Variants in UBE3D observed in about 807,000 individuals in gnomAD.
UBE3D encodes the protein E3 ubiquitin-protein ligase E3D.
UBE3D carries 48 observed loss-of-function variants against 49.6 expected under a neutral mutation model. That is an observed-to-expected ratio of 0.97 (90% CI 0.77 to 1.23). The LOEUF (loss-of-function observed/expected upper bound fraction) is 1.23, where lower values mean the gene tolerates loss of function less well. UBE3D is among the 50% of genes most tolerant of loss of function. UBE3D has a pLI of 0.00. For missense variants in UBE3D, 452 were observed against 468.4 expected (o/e 0.96, Z 0.32); for synonymous variants, 189 against 174.2 (o/e 1.08, Z -0.67).
intron 5 of UBE3D, among the ~76,000 whole-genome samples, chr6:83,027,780 A>G: frequency 6.6e-6 from 1 of 152,212 alleles, no homozygotes. Flanking sequence ...ATTGGAATTC[A>G]CTGGGTCCCT....
chr6:82,905,576 G>A (rs1041544911), intron 9 of UBE3D, among the ~76,000 whole-genome samples: 4 of 152,088 alleles, frequency 2.6e-5, no homozygotes, highest in African/African-American at 9.7e-5. Context: ...GCCTCTAAAT[G>A]TTCAAGTGGA....
At chr6:82,992,742 G>A (rs992566415) in intron 8 of UBE3D, among the ~76,000 whole-genome samples, 8 of 152,026 alleles carry the variant, frequency 5.3e-5, no homozygotes, top group Non-Finnish European at 1.0e-4. Flanking sequence ...AAAATTCTGG[G>A]AATCCAGCAT....
At chr6:83,041,876 C>A (rs571160038) in intron 4 of UBE3D, among the ~76,000 whole-genome samples, 1 of 152,110 alleles carries the variant, frequency 6.6e-6, no homozygotes, top group South Asian at 2.1e-4. Context: ...TATTTTGACT[C>A]TTATAAAAGG....
In UBE3D at chr6:82,957,163, C is replaced by T. The variant is rs1170344905; in HGVS notation, c.1149+149G>A. 6.3e-6 allele frequency: 5 copies of T among 794,346 alleles called. No individual in the cohort carries two copies. In the East Asian group the frequency reaches 1.1e-4, roughly 18 times the overall value. 49.2% of individuals were successfully genotyped at this position (794,346 alleles called of 1,614,324 possible). A position where few individuals can be genotyped will look rare whatever the true frequency, so the allele number is the denominator to read the frequency against. On this transcript the variant is annotated intron_variant, in intron 9 of 9. Coordinates refer to ENST00000369747, the MANE Select transcript of UBE3D (RefSeq NM_198920.3). ...AACAAACAAACAAACAAACAAAAAACAGATAGACAAAGCAATACATGCATT... is the reference window on the plus strand; with the variant it reads ...AACAAACAAACAAACAAACAAAAAATAGATAGACAAAGCAATACATGCATT...
At chr6:82,981,499 T>C (rs1562147853) in intron 8 of UBE3D, among the ~76,000 whole-genome samples, 1 of 151,972 alleles carries the variant, frequency 6.6e-6, no homozygotes, top group Non-Finnish European at 1.5e-5. Context: ...CAATGCCTCC[T>C]ATAAAGTAGT....
chr6:83,006,909 T>C (rs1002775450), intron 8 of UBE3D, among the ~76,000 whole-genome samples: 8 of 152,310 alleles, frequency 5.3e-5, no homozygotes, highest in Admixed American at 3.9e-4. Flanking sequence ...TTTTGTGTTA[T>C]GTGTTTTTAA....
At chr6:82,946,292 C>G (rs1370413436) in intron 9 of UBE3D, among the ~76,000 whole-genome samples, 1 of 152,016 alleles carries the variant, frequency 6.6e-6, no homozygotes, top group Non-Finnish European at 1.5e-5. Flanking sequence ...CAATGGAGAT[C>G]CAATACACCT....
chr6:83,027,141 T>C (rs978758479), intron 5 of UBE3D, among the ~76,000 whole-genome samples: 6 of 151,894 alleles, frequency 4.0e-5, no homozygotes, highest in Non-Finnish European at 7.4e-5. Flanking sequence ...TTTCTTTTCA[T>C]AAGAAACCAC....
intron 8 of UBE3D, among the ~76,000 whole-genome samples, chr6:83,003,633 C>G (rs1177699588): frequency 4.6e-5 from 7 of 152,128 alleles, no homozygotes; most frequent in Non-Finnish European, 7.3e-5. Context: ...GTCTATTATT[C>G]CTAGGCTACA....
intron 1 of UBE3D, among the ~76,000 whole-genome samples, chr6:83,065,117 T>C (rs759488541): frequency 1.3e-5 from 2 of 152,178 alleles, no homozygotes; most frequent in Non-Finnish European, 2.9e-5. Context: ...CTACAACCTG[T>C]CTTAGTGGTT....
intron 9 of UBE3D, among the ~76,000 whole-genome samples, chr6:82,902,809 T>C (rs1771833682): frequency 6.6e-6 from 1 of 152,186 alleles, no homozygotes; most frequent in Admixed American, 6.5e-5. Flanking sequence ...TTAGTAAATG[T>C]TAATATGTTT....
chr6:82,921,019 A>T (rs1371102123), intron 9 of UBE3D, among the ~76,000 whole-genome samples: 1 of 149,756 alleles, frequency 6.7e-6, no homozygotes, highest in Admixed American at 6.7e-5. Flanking sequence ...GTAGTGGCAC[A>T]ATCTTAGGTC....
At chr6:82,887,710 C>CA (rs1562054118), downstream of UBE3D, among the ~76,000 whole-genome samples, 176 of 72,050 alleles carry the variant, frequency 2.4e-3, no homozygotes, top group African/African-American at 0.016. Context: ...CTCCATCCCC[C>CA]CAAAAAAAAA....
At chr6:82,947,580 C>A (rs540824429) in intron 9 of UBE3D, among the ~76,000 whole-genome samples, 1 of 151,888 alleles carries the variant, frequency 6.6e-6, no homozygotes, top group African/African-American at 2.4e-5. Flanking sequence ...CTTCTCAGCA[C>A]ACAGATCATT....
intron 8 of UBE3D, among the ~76,000 whole-genome samples, chr6:83,015,999 A>AT (rs1582645324): frequency 6.6e-6 from 1 of 152,058 alleles, no homozygotes; most frequent in African/African-American, 2.4e-5. Context: ...GCAGGGTCCC[A>AT]TTTTTTCCCA....
intron 9 of UBE3D, among the ~76,000 whole-genome samples, chr6:82,898,847 A>G (rs1196623383): frequency 6.6e-6 from 1 of 152,108 alleles, no homozygotes; most frequent in Non-Finnish European, 1.5e-5. Flanking sequence ...TTTTTTAAAG[A>G]TATTTCTCTC....
At chr6:82,977,008 G>A (rs1019677624) in intron 8 of UBE3D, among the ~76,000 whole-genome samples, 2 of 151,468 alleles carry the variant, frequency 1.3e-5, no homozygotes, top group Non-Finnish European at 2.9e-5. Flanking sequence ...CAGCTACTCG[G>A]GAGGCTGAGG....
chr6:82,927,481 T>C (rs1275930765), intron 9 of UBE3D, among the ~76,000 whole-genome samples: 2 of 152,202 alleles, frequency 1.3e-5, no homozygotes, highest in Admixed American at 1.3e-4. Flanking sequence ...TGACCACATG[T>C]AGTCTTCCTT....
intron 9 of UBE3D, among the ~76,000 whole-genome samples, chr6:82,921,189 A>T (rs948084780): frequency 6.6e-6 from 1 of 152,142 alleles, no homozygotes; most frequent in Admixed American, 6.5e-5. Flanking sequence ...CCTGAGCTCA[A>T]GGGATCTGCC....
Sources: allele counts gnomAD v4.1 joint callset (sites outside exome capture counted in the v4.1 genomes callset), GRCh38; gene constraint gnomAD v4.1.1; transcripts MANE v1.5; gene names NCBI Gene and HGNC (gene_info 2026-07-23, HGNC 2026-07-21).